The following LAMA2 variants were observed in gnomAD, a reference collection of about 807,000 sequenced individuals.
LAMA2 encodes the protein laminin subunit alpha-2.
A neutral mutation model predicts 364.8 loss-of-function variants in LAMA2; 269 were observed. That is an observed-to-expected ratio of 0.74 (90% CI 0.67 to 0.82). The LOEUF is 0.82. LAMA2 is among the 40% of genes least tolerant of loss of function. LAMA2 has a pLI of 0.00. For missense variants in LAMA2, 3,807 were observed against 3,873.2 expected, an observed-to-expected ratio of 0.98 and a Z score of 0.45; for synonymous variants, 1,379 against 1,370.6, an observed-to-expected ratio of 1.01 and a Z score of -0.14.
At chr6:129,368,131 T>A (rs1777875177) in intron 33 of LAMA2, among the ~76,000 whole-genome samples, 1 of 152,212 alleles carries the variant, frequency 6.6e-6, no homozygotes, top group Non-Finnish European at 1.5e-5. Flanking sequence ...AGGGCACTAA[T>A]CCCAATCATG....
intron 12 of LAMA2, among the ~76,000 whole-genome samples, chr6:129,224,719 T>C (rs887515021): frequency 1.4e-4 from 21 of 152,244 alleles, no homozygotes; most frequent in Admixed American, 1.3e-3. Context: ...TTTGATGTGC[T>C]GCTGCATTCA....
At chr6:129,363,552 T>G (rs542707919) in intron 32 of LAMA2, among the ~76,000 whole-genome samples, 6 of 152,354 alleles carry the variant, frequency 3.9e-5, no homozygotes, top group Admixed American at 6.5e-5. Flanking sequence ...GATTATACAT[T>G]TCTAATAAGC....
At chr6:129,208,583 A>T (rs1253592029) in intron 12 of LAMA2, among the ~76,000 whole-genome samples, 2 of 151,174 alleles carry the variant, frequency 1.3e-5, no homozygotes, top group Non-Finnish European at 3.0e-5. Context: ...AGAGAAAGAA[A>T]GGAGGAAGGA....
chr6:129,499,099 C>T (rs897149928), intron 58 of LAMA2, among the ~76,000 whole-genome samples: 3 of 152,092 alleles, frequency 2.0e-5, no homozygotes, highest in African/African-American at 4.8e-5. Flanking sequence ...TCCTGTCTGC[C>T]TACAACTTGT....
intron 12 of LAMA2, among the ~76,000 whole-genome samples, chr6:129,229,705 C>G (rs1282912666): frequency 6.6e-6 from 1 of 152,074 alleles, no homozygotes; most frequent in African/African-American, 2.4e-5. Flanking sequence ...TGGTTTGATT[C>G]CAGATACATT....
chr6:129,465,868 A>C (rs1483079383), intron 51 of LAMA2, among the ~76,000 whole-genome samples: 1 of 151,952 alleles, frequency 6.6e-6, no homozygotes, highest in Non-Finnish European at 1.5e-5. Context: ...TTATGTGGTC[A>C]CAGACATATA....
chr6:129,040,848 A>T (rs77364716), intron 1 of LAMA2, among the ~76,000 whole-genome samples: 2,330 of 152,288 alleles, frequency 0.015, 73 homozygotes, highest in African/African-American at 0.053. Context: ...AAATTTGGAA[A>T]TATATCATAG....
At chr6:129,235,116 A>G (rs946794357) in intron 12 of LAMA2, among the ~76,000 whole-genome samples, 2 of 152,174 alleles carry the variant, frequency 1.3e-5, no homozygotes, top group African/African-American at 4.8e-5. Flanking sequence ...TACATTCACT[A>G]GTGAATGCCC....
chr6:129,469,055 G>T (rs1783683575), intron 51 of LAMA2, among the ~76,000 whole-genome samples: 1 of 151,912 alleles, frequency 6.6e-6, no homozygotes, highest in Non-Finnish European at 1.5e-5. Flanking sequence ...GGCAGCTGTT[G>T]TAATCAGTTT....
intron 8 of LAMA2, 108 bp downstream of exon 8, chr6:129,154,791 T>C (rs1779009918): frequency 3.4e-6 from 3 of 890,246 alleles, no homozygotes; most frequent in Admixed American, 2.1e-5. Context: ...ACAGTTGAAC[T>C]TCAAATTAAA....
At chr6:128,933,134 TG>T (rs1419140301) in intron 1 of LAMA2, among the ~76,000 whole-genome samples, 1 of 152,204 alleles carries the variant, frequency 6.6e-6, no homozygotes, top group Non-Finnish European at 1.5e-5. Flanking sequence ...CCTAGCACAA[TG>T]CCCTTCAGGC....
chr6:129,181,875 G>A (rs1007046420), intron 10 of LAMA2, among the ~76,000 whole-genome samples: 35 of 151,824 alleles, frequency 2.3e-4, no homozygotes, highest in African/African-American at 8.0e-4. Context: ...ACCCCTAGTA[G>A]AAAACCTGTC....
chr6:128,925,373 C>G (rs1779022682), intron 1 of LAMA2, among the ~76,000 whole-genome samples: 1 of 152,102 alleles, frequency 6.6e-6, no homozygotes, highest in Admixed American at 6.5e-5. Context: ...TATGAATGGA[C>G]CTTGAGGACA....
chr6:129,071,402 A>G (rs1037164509), intron 3 of LAMA2, among the ~76,000 whole-genome samples: 1 of 152,092 alleles, frequency 6.6e-6, no homozygotes, highest in South Asian at 2.1e-4. Flanking sequence ...GTTATATTGT[A>G]TTGAATCCTG....
At chr6:129,341,123 T>G (rs542471163) in intron 29 of LAMA2, among the ~76,000 whole-genome samples, 77 of 152,338 alleles carry the variant, frequency 5.1e-4, no homozygotes, top group African/African-American at 1.7e-3. Flanking sequence ...CGTCAGCTAT[T>G]GTTTGTTGTG....
intron 9 of LAMA2, 99 bp from the exon 10 acceptor site, chr6:129,177,607 T>G: frequency 8.3e-7 from 1 of 1,198,064 alleles, no homozygotes; most frequent in East Asian, 2.4e-5. Flanking sequence ...TCTATTTTTG[T>G]GTCAAAATAG....
At chr6:128,929,142 T>C (rs1254114427) in intron 1 of LAMA2, 1 of 1,434,496 alleles carries the variant, frequency 7.0e-7, no homozygotes, top group African/African-American at 1.4e-5. Context: ...GGATAGGGAT[T>C]TACAGGATCC....
chr6:129,270,507 AT>A, intron 16 of LAMA2, 116 bp from the exon 17 acceptor site: 1 of 1,005,376 alleles, frequency 9.9e-7, no homozygotes, highest in Non-Finnish European at 1.6e-6. Flanking sequence ...ACCATTTAAC[AT>A]GGAAAAATTA....
intron 58 of LAMA2, among the ~76,000 whole-genome samples, chr6:129,500,505 C>T (rs1237281638): frequency 3.9e-5 from 6 of 152,170 alleles, no homozygotes; most frequent in Admixed American, 6.5e-5. Context: ...GAGGGCTGCC[C>T]GTTGCAGAAA....
Sources: allele counts gnomAD v4.1 joint callset (sites outside exome capture counted in the v4.1 genomes callset), GRCh38; gene constraint gnomAD v4.1.1; transcripts MANE v1.5; gene names NCBI Gene and HGNC (gene_info 2026-07-23, HGNC 2026-07-21).